Variants in ARFGEF3 observed in about 807,000 individuals in gnomAD.
ARFGEF3 encodes ARFGEF family member 3, also known as brefeldin A-inhibited guanine nucleotide-exchange protein 3.
In ARFGEF3, 96 loss-of-function variants were observed where a neutral mutation model predicts 221.7. That is an observed-to-expected ratio of 0.43 (90% CI 0.37 to 0.51). ARFGEF3 has a LOEUF of 0.51. Ranked by LOEUF, ARFGEF3 falls within the 20% of genes least tolerant of loss-of-function variation. The pLI is 0.00. For synonymous variants in ARFGEF3, 1,145 were observed against 1,126.8 expected (o/e 1.02, Z -0.32); for missense variants, 2,410 against 2,789.9 (o/e 0.86, Z 3.07).
chr6:138,322,895 G>A (rs7750577), intron 29 of ARFGEF3, among the ~76,000 whole-genome samples: 23,190 of 151,480 alleles, frequency 0.15, 4,204 homozygotes, highest in African/African-American at 0.45. Flanking sequence ...CACATGGGAG[G>A]GCGGGTCACA....
chr6:138,163,915 T>C (rs1489492572), intron 1 of ARFGEF3, among the ~76,000 whole-genome samples: 1 of 152,188 alleles, frequency 6.6e-6, no homozygotes, highest in Non-Finnish European at 1.5e-5. Flanking sequence ...GTGTTGTCCA[T>C]GGATTGGGGG....
At chr6:138,276,476 A>T (rs933928266) in intron 12 of ARFGEF3, among the ~76,000 whole-genome samples, 2 of 152,140 alleles carry the variant, frequency 1.3e-5, no homozygotes, top group Admixed American at 1.3e-4. Context: ...CAAAATGAAA[A>T]CTTTAGTAAG....
intron 8 of ARFGEF3, among the ~76,000 whole-genome samples, chr6:138,247,583 A>AG (rs1778508172): frequency 6.6e-6 from 1 of 152,146 alleles, no homozygotes; most frequent in Non-Finnish European, 1.5e-5. Context: ...CCCAATCAAG[A>AG]GTGGTGTTTA....
intron 17 of ARFGEF3, among the ~76,000 whole-genome samples, chr6:138,289,333 A>G (rs1374931726): frequency 2.0e-5 from 3 of 152,238 alleles, no homozygotes; most frequent in Non-Finnish European, 4.4e-5. Context: ...TCAGTGATAG[A>G]GCAGTCATTC....
chr6:138,303,875 A>T (rs1779670195), intron 22 of ARFGEF3, among the ~76,000 whole-genome samples: 1 of 150,580 alleles, frequency 6.6e-6, no homozygotes, highest in African/African-American at 2.4e-5. Flanking sequence ...AAAAAAAAAA[A>T]AAAAAAAAAA....
chr6:138,179,458 A>G (rs1424099984), intron 2 of ARFGEF3, among the ~76,000 whole-genome samples: 2 of 150,692 alleles, frequency 1.3e-5, no homozygotes, highest in African/African-American at 2.4e-5. Context: ...AGATTCTAAC[A>G]GCTTTTTTTT....
intron 21 of ARFGEF3, 104 bp from the exon 22 acceptor site, chr6:138,298,501 TG>T: frequency 1.2e-6 from 1 of 810,436 alleles, no homozygotes; most frequent in South Asian, 2.0e-5. Flanking sequence ...TTAACAGAAT[TG>T]CTGCTTCCAC....
Position 138,340,688 on chromosome 6 carries a change from A to C in ARFGEF3, c.*4202A>C, listed in dbSNP as rs1780414014. On this transcript the variant is annotated 3_prime_UTR_variant, in exon 34 of 34. Transcript: ENST00000251691. ...TTTTTTCAGAGGGGAACACAGACCC[A>C]GAGAGGTTAAGAAATTTGCCCAAGA... 6.6e-6 allele frequency: 1 copy of C among 152,180 alleles called. No homozygotes were observed. 9.4% of individuals were successfully genotyped at this position (152,180 alleles called of 1,614,324 possible). A position where few individuals can be genotyped will look rare whatever the true frequency, so the allele number is the denominator to read the frequency against.
chr6:138,222,343 A>T (rs549622086), intron 4 of ARFGEF3, among the ~76,000 whole-genome samples: 7 of 152,356 alleles, frequency 4.6e-5, no homozygotes, highest in Non-Finnish European at 1.0e-4. Context: ...CCTGGCCTAC[A>T]TGTGCCCCGT....
At chr6:138,177,183 A>G (rs1776969017) in intron 2 of ARFGEF3, among the ~76,000 whole-genome samples, 1 of 151,730 alleles carries the variant, frequency 6.6e-6, no homozygotes, top group African/African-American at 2.4e-5. Flanking sequence ...TCTGCCTCCC[A>G]GATTCAAGCA....
rs201470794 is a variant in ARFGEF3 at position 138,334,256 on chromosome 6, G to A, written c.5410G>A (p.Ala1804Thr). 2.2e-4 allele frequency: 361 copies of A among 1,612,790 alleles called. 1 individual carries two copies. The highest frequency in any genetic ancestry group is 1.5e-4 in the Non-Finnish European group (173 of 1,179,466). ...LKKVSGIGGA[A>T]NLYRQSAMSF... is the part of the protein sequence containing the mutation. ...GAAAGTGTCTGGCATCGGGGGCGCC[G>A]CCAACCTCTACCGCCAGTCTGCGAT... Residue 1804 changes from alanine to threonine, a missense_variant, in exon 33 of 34, where the codon GCC (alanine) becomes ACC (threonine). By Grantham distance (58) the Ala-to-Thr change is moderately conservative (BLOSUM62 0). This residue lies in a region of ARFGEF3 where 723 missense variants were observed against 991.9 expected (regional missense o/e 0.73). Transcript: ENST00000251691. This position sits in a 1 kb window ranked among gnomAD's most constrained non-coding sequence, Gnocchi z 5.1.
intron 12 of ARFGEF3, among the ~76,000 whole-genome samples, chr6:138,264,658 C>T (rs907545518): frequency 6.6e-6 from 1 of 152,204 alleles, no homozygotes; most frequent in Non-Finnish European, 1.5e-5. Context: ...CTTCTACCCT[C>T]CCCTCTCTAG....
At chr6:138,213,916 T>G (rs915199499) in intron 4 of ARFGEF3, among the ~76,000 whole-genome samples, 2 of 152,228 alleles carry the variant, frequency 1.3e-5, no homozygotes, top group African/African-American at 4.8e-5. Context: ...GATGGTAACC[T>G]GACTTTGATA....
intron 4 of ARFGEF3, 120 bp downstream of exon 4, chr6:138,210,161 C>A: frequency 1.0e-6 from 1 of 957,904 alleles, no homozygotes; most frequent in Non-Finnish European, 1.5e-6. Flanking sequence ...TCATTTGGAA[C>A]GGATGCTTGT....
At chr6:138,274,525 C>T (rs554024865) in intron 12 of ARFGEF3, among the ~76,000 whole-genome samples, 2 of 152,252 alleles carry the variant, frequency 1.3e-5, no homozygotes, top group African/African-American at 2.4e-5. Flanking sequence ...CCTAGCAAGG[C>T]GTGGTGGCTC....
chr6:138,192,851 T>C (rs974747543), intron 2 of ARFGEF3, among the ~76,000 whole-genome samples: 3 of 152,220 alleles, frequency 2.0e-5, no homozygotes, highest in Non-Finnish European at 4.4e-5. Flanking sequence ...GTGAAATGCT[T>C]AGCACACAGG....
chr6:138,305,122 C>T (rs531322266), intron 22 of ARFGEF3, among the ~76,000 whole-genome samples: 8 of 150,912 alleles, frequency 5.3e-5, no homozygotes, highest in Admixed American at 2.6e-4. Flanking sequence ...GTTGGTTTCA[C>T]TGGTGGATCT....
At position 138,319,729 on chromosome 6, in the gene ARFGEF3, G is replaced by T. The variant is rs1388538222; in HGVS notation, c.4501G>T (p.Val1501Phe). 1 of 1,612,070 alleles carries T rather than the reference G, an allele frequency of 6.2e-7. No individual in the cohort carries two copies. Among genetic ancestry groups the T allele is most frequent in the Non-Finnish European group, 8.5e-7 (1 of 1,179,352 alleles). The change falls in exon 28 of 34, where the codon GTT (valine) becomes TTT (phenylalanine). Residue 1501 changes from valine (V) to phenylalanine (F), a missense_variant. Physicochemically the swap from Val to Phe is conservative, Grantham distance 50 (BLOSUM62 -1). Transcript: ENST00000251691. ...PGPGFGIYAV[V>F]HLLLPVMSVW... ...ACCAGGGTTTGGTATCTATGCAGTG[G>T]TTCACCTCCTCCTTCCTGTGATGTC...
Position 138,341,186 on chromosome 6 carries a change from C to T in ARFGEF3, c.*4700C>T, listed in dbSNP as rs1217568858. On this transcript the variant is annotated 3_prime_UTR_variant, in exon 34 of 34. Transcript: ENST00000251691. ...ATTTAATCAACTCAGAATAAAGTGC[C>T]CTGTAGCCAACAGTGCCTCTTTACT... 2 of 153,060 alleles carry T rather than the reference C, an allele frequency of 1.3e-5. No homozygotes were observed. The highest frequency in any genetic ancestry group is 2.9e-5 in the Non-Finnish European group (2 of 68,218). 9.5% of individuals were successfully genotyped at this position (153,060 alleles called of 1,614,324 possible).
Sources: gnomAD v4.1 joint callset for allele counts (sites outside exome capture counted in the v4.1 genomes callset) on GRCh38, gnomAD v4.1.1 for gene constraint, gnomAD v4.1.1 regional missense constraint, Gnocchi (gnomAD v3.1) non-coding constraint, MANE v1.5 for transcripts, NCBI Gene and HGNC (gene_info 2026-07-23, HGNC 2026-07-21) for gene names.